The following SRGAP1 variants were observed in gnomAD, a reference collection of about 807,000 sequenced individuals.
The protein encoded by SRGAP1 is SLIT-ROBO Rho GTPase-activating protein 1.
In SRGAP1, 43 loss-of-function variants were observed where a neutral mutation model predicts 121.9. The ratio of observed to expected loss-of-function variants is 0.35; its 90% CI spans 0.28 to 0.46. SRGAP1 has a LOEUF of 0.46. Among genes scored for constraint, SRGAP1 ranks in the 20% least tolerant of loss-of-function variants. SRGAP1 has a pLI of 1.00. For missense variants in SRGAP1, 1,102 were observed against 1,350.9 expected (o/e 0.82, Z 2.89); for synonymous variants, 447 against 485.4 (o/e 0.92, Z 1.04).
intron 1 of SRGAP1, among the ~76,000 whole-genome samples, chr12:63,921,047 G>A (rs1474555055): frequency 6.6e-6 from 1 of 152,068 alleles, no homozygotes; most frequent in East Asian, 1.9e-4. Flanking sequence ...CCTTATCTCA[G>A]TGAGTGGTGG....
intron 1 of SRGAP1, among the ~76,000 whole-genome samples, chr12:63,970,421 A>T (rs777493590): frequency 6.6e-6 from 1 of 152,214 alleles, no homozygotes; most frequent in Non-Finnish European, 1.5e-5. Context: ...AGACCTTACA[A>T]AAAACTTATA....
intron 1 of SRGAP1, chr12:63,982,791 G>A (rs181683350): frequency 1.3e-5 from 2 of 152,258 alleles, no homozygotes; most frequent in Admixed American, 6.5e-5. Context: ...AAAACAAGTC[G>A]GTAGTTATTA....
chr12:64,057,423 T>C (rs1252508862), intron 6 of SRGAP1, among the ~76,000 whole-genome samples: 3 of 152,158 alleles, frequency 2.0e-5, no homozygotes, highest in Non-Finnish European at 4.4e-5. Context: ...TCACAAAATG[T>C]GTTTGTGGTA....
intron 1 of SRGAP1, among the ~76,000 whole-genome samples, chr12:63,935,175 T>A (rs907615364): frequency 2.7e-5 from 4 of 145,554 alleles, no homozygotes; most frequent in African/African-American, 1.1e-4. Flanking sequence ...AAAGTAAATG[T>A]TTTTTTAAAT....
At chr12:64,025,324 C>T (rs2136478577) in intron 4 of SRGAP1, among the ~76,000 whole-genome samples, 1 of 152,186 alleles carries the variant, frequency 6.6e-6, no homozygotes, top group Non-Finnish European at 1.5e-5. Flanking sequence ...AAAGAAGAAA[C>T]ATGCCCAAGG....
chr12:64,004,761 C>G (rs1311028726), intron 3 of SRGAP1, among the ~76,000 whole-genome samples: 1 of 152,182 alleles, frequency 6.6e-6, no homozygotes, highest in Admixed American at 6.5e-5. Flanking sequence ...AAGAAAGACA[C>G]TGATGAGGAG....
intron 1 of SRGAP1, among the ~76,000 whole-genome samples, chr12:63,923,226 ACT>A (rs1403656244): frequency 1.3e-5 from 2 of 152,114 alleles, no homozygotes. Context: ...GTTGGATCAA[ACT>A]CTGTCACTTT....
In SRGAP1 at chr12:64,102,146, T is replaced by C. The variant is rs183966580; in HGVS notation, c.1813+4771T>C. On this transcript the variant is annotated intron_variant, in intron 15 of 21. Coordinates refer to ENST00000355086, the MANE Select transcript of SRGAP1 (RefSeq NM_020762.4). ...AAACCAACAATAATTCCTTAAATCA[T>C]CGAATGAGTAGTCAATGCTTTATTT... Among the ~76,000 whole-genome samples, 413 of 152,344 alleles carry C rather than the reference T, an allele frequency of 2.7e-3. 1 individual carries two copies. Among genetic ancestry groups the C allele is most frequent in the Non-Finnish European group, 5.0e-3 (339 of 68,030 alleles).
chr12:63,845,747 C>T (rs1898882553), intron 1 of SRGAP1, among the ~76,000 whole-genome samples: 1 of 151,996 alleles, frequency 6.6e-6, no homozygotes, highest in Non-Finnish European at 1.5e-5. Flanking sequence ...TGAATTTTTT[C>T]CTCCTCTTTC....
intron 4 of SRGAP1, among the ~76,000 whole-genome samples, chr12:64,017,248 CAT>C (rs1402837302): frequency 6.6e-6 from 1 of 152,232 alleles, no homozygotes; most frequent in Non-Finnish European, 1.5e-5. Context: ...TCTACGTACA[CAT>C]GTATATACAC....
intron 1 of SRGAP1, among the ~76,000 whole-genome samples, chr12:63,977,031 CT>C (rs1466491568): frequency 6.6e-6 from 1 of 150,760 alleles, no homozygotes; most frequent in East Asian, 1.9e-4. Flanking sequence ...AGTTGATTCA[CT>C]TAAAAAAAAA....
At chr12:64,065,985 AACTT>A (rs1254921001) in intron 8 of SRGAP1, among the ~76,000 whole-genome samples, 1 of 152,192 alleles carries the variant, frequency 6.6e-6, no homozygotes, top group African/African-American at 2.4e-5. Context: ...TTCTGAAATT[AACTT>A]ACTTGAATTC....
chr12:64,031,045 T>G (rs1026007101), intron 4 of SRGAP1, among the ~76,000 whole-genome samples: 1 of 152,134 alleles, frequency 6.6e-6, no homozygotes. Flanking sequence ...TGGCTGGGCA[T>G]GGTGGCTCAT....
chr12:64,113,852 C>T (rs540169098), intron 17 of SRGAP1, among the ~76,000 whole-genome samples: 1 of 152,300 alleles, frequency 6.6e-6, no homozygotes, highest in African/African-American at 2.4e-5. Context: ...TCAGCAACCT[C>T]CCTGCCCACC....
chr12:64,142,384 G>A lies in SRGAP1; in HGVS notation c.2970G>A (p.Leu990=). ...CAAAGCATGCCCCTGATGTGGTGCT[G>A]GATACCCTGGAGCAAGTGAAAAACT... ...STAKHAPDVV[L]DTLEQVKNSP... Residue 990 remains leucine (L), a synonymous_variant, in exon 22 of 22, where the codon CTG becomes CTA. Coordinates refer to ENST00000355086, the MANE Select transcript of SRGAP1 (RefSeq NM_020762.4). 6.2e-7 allele frequency: 1 copy of A among 1,614,008 alleles called. No individual in the cohort carries two copies. Among genetic ancestry groups the A allele is most frequent in the South Asian group, 1.1e-5 (1 of 91,052 alleles).
In SRGAP1 at chr12:64,063,119, A is replaced by G; in HGVS notation, c.1004A>G (p.Gln335Arg). 6.2e-7 allele frequency: 1 copy of G among 1,613,606 alleles called. No individual in the cohort carries two copies. Residue 335 changes from glutamine to arginine, a missense_variant, in exon 7 of 22, where the codon CAG (glutamine) becomes CGG (arginine). Around this residue, in one of 3 missense-constraint regions of SRGAP1, gnomAD observed 747 missense variants for 929.4 expected, o/e 0.80. Coordinates refer to ENST00000355086, the MANE Select transcript of SRGAP1 (RefSeq NM_020762.4). The stretch of plus-strand genomic sequence containing the variant: ...TGTCCACCAATGAAGTTTGAGTTTC[A>G]GTCTCACATGGGTGATGAGGTCAGT... ...AFCPPMKFEF[Q>R]SHMGDEVCQV...
chr12:63,874,146 A>G (rs1389274078), intron 1 of SRGAP1, among the ~76,000 whole-genome samples: 1 of 152,178 alleles, frequency 6.6e-6, no homozygotes, highest in African/African-American at 2.4e-5. Flanking sequence ...GAGCCAATAA[A>G]TAATCAAATC....
At chr12:63,905,523 C>A (rs1440814365) in intron 1 of SRGAP1, among the ~76,000 whole-genome samples, 1 of 152,230 alleles carries the variant, frequency 6.6e-6, no homozygotes, top group African/African-American at 2.4e-5. Context: ...CTGAAAGCTC[C>A]TGCCTAAAAC....
chr12:64,059,202 G>A (rs2035400792), intron 6 of SRGAP1, among the ~76,000 whole-genome samples: 1 of 152,106 alleles, frequency 6.6e-6, no homozygotes, highest in South Asian at 2.1e-4. Flanking sequence ...CACTGGGTAT[G>A]GAAACATGCA....
Sources: allele counts gnomAD v4.1 joint callset (sites outside exome capture counted in the v4.1 genomes callset), GRCh38; gene constraint gnomAD v4.1.1; regional missense constraint gnomAD v4.1.1; transcripts MANE v1.5; gene names NCBI Gene and HGNC (gene_info 2026-07-23, HGNC 2026-07-21).